Variants in PTPRU observed in about 807,000 individuals in gnomAD.
PTPRU encodes the protein receptor-type tyrosine-protein phosphatase U.
In PTPRU, 69 loss-of-function variants were observed where a neutral mutation model predicts 166.3. That is an observed-to-expected ratio of 0.41 (90% CI 0.34 to 0.51). The LOEUF is 0.51. PTPRU is among the 20% of genes least tolerant of loss of function. The pLI, the probability that PTPRU is intolerant of heterozygous loss-of-function variation, is 0.09. For synonymous variants in PTPRU, 793 were observed against 814.0 expected, an observed-to-expected ratio of 0.97 and a Z score of 0.44; for missense variants, 1,657 against 2,013.7, an observed-to-expected ratio of 0.82 and a Z score of 3.39.
chr1:29,283,135 C>T (rs1042227288), intron 12 of PTPRU, among the ~76,000 whole-genome samples, 186 bp downstream of exon 12: 1 of 150,802 alleles, frequency 6.6e-6, no homozygotes, highest in African/African-American at 2.4e-5. Flanking sequence ...CTCCTGTAGC[C>T]CCACCTCCCA....
At chr1:29,282,440 T>A (rs1390490576) in intron 11 of PTPRU, among the ~76,000 whole-genome samples, 1 of 152,238 alleles carries the variant, frequency 6.6e-6, no homozygotes, top group African/African-American at 2.4e-5. Flanking sequence ...GGCTGCTTGC[T>A]TAACTTGCCT....
intron 1 of PTPRU, among the ~76,000 whole-genome samples, chr1:29,242,069 T>C (rs998074826): frequency 1.3e-5 from 2 of 152,000 alleles, no homozygotes; most frequent in Non-Finnish European, 2.9e-5. Flanking sequence ...TTTTTGTATT[T>C]TTAGTAGAGA....
Position 29,304,811 on chromosome 1 carries a change from A to G in PTPRU, c.2705A>G (p.Asp902Gly). 6.2e-7 allele frequency: 1 copy of G among 1,612,796 alleles called. No individual in the cohort carries two copies. The highest frequency in any genetic ancestry group is 8.5e-7 in the Non-Finnish European group (1 of 1,178,990). ...FEGWDATKKK[D>G]KVKGSRQEPM... The stretch of plus-strand genomic sequence containing the variant: ...GGCTGGGACGCCACAAAGAAGAAAG[A>G]CAAGGTCAAGGGCAGCCGGCAGGAG... The change falls in exon 17 of 30, where the codon GAC (aspartate) becomes GGC (glycine). Residue 902 changes from aspartate to glycine, a missense_variant. By Grantham distance (94) the Asp-to-Gly change is moderately conservative. Transcript: ENST00000373779.
Position 29,260,658 on chromosome 1 carries a change from C to T in PTPRU, c.899C>T (p.Thr300Ile), listed in dbSNP as rs988442037. 6.5e-7 allele frequency: 1 copy of T among 1,533,304 alleles called. No homozygotes were observed. Among genetic ancestry groups the T allele is most frequent in the Middle Eastern group, 1.7e-4 (1 of 5,738 alleles). 95.0% of individuals were successfully genotyped at this position (1,533,304 alleles called of 1,614,324 possible). The change falls in exon 7 of 30, where the codon ACC (threonine) becomes ATC (isoleucine). Residue 300 changes from threonine (T) to isoleucine (I), a missense_variant. By Grantham distance (89) the Thr-to-Ile change is moderately conservative. Transcript: ENST00000373779. The surrounding 1 kb of genome is among the most constrained non-coding windows in gnomAD (Gnocchi z 8.3). ...APPQLLRAGP[T>I]YLIIQLNTNS... Reference sequence around the variant, plus strand: ...CCACAGCTGCTGCGTGCTGGCCCCACCTACCTCATCATCCAGCTCAACACC... The same window carrying T: ...CCACAGCTGCTGCGTGCTGGCCCCATCTACCTCATCATCCAGCTCAACACC...
At chr1:29,283,894 G>C (rs1254333849) in intron 12 of PTPRU, 46 bp from the exon 13 acceptor site, 20 of 1,611,902 alleles carry the variant, frequency 1.2e-5, no homozygotes, top group Non-Finnish European at 1.6e-5. Context: ...TGGGGAGGGA[G>C]AGGTCGGGGC....
In PTPRU at chr1:29,291,182, C is replaced by T. The variant is rs903069943; in HGVS notation, c.2319-687C>T. Among the ~76,000 whole-genome samples the T allele has an allele frequency of 3.3e-5, 5 of 152,140 alleles. No homozygotes were observed. Among genetic ancestry groups the T allele is most frequent in the Non-Finnish European group, 7.4e-5 (5 of 68,006 alleles). ...TTCCCTGCTGCTCTGAGCAGCAGGA[C>T]GGACTGGTGGGCAGTGGTGGGAATC... On this transcript the variant is annotated intron_variant, in intron 14 of 29. Coordinates refer to ENST00000373779, the MANE Select transcript of PTPRU (RefSeq NM_133178.4). This position sits in a 1 kb window ranked among gnomAD's most constrained non-coding sequence, Gnocchi z 4.1.
chr1:29,282,527 T>G, intron 11 of PTPRU, 149 bp from the exon 12 acceptor site: 16 of 1,081,092 alleles, frequency 1.5e-5, no homozygotes, highest in Non-Finnish European at 2.1e-5. Flanking sequence ...CCCAGGGAGG[T>G]TAGGGGACTT....
chr1:29,323,541 T>C (rs768509995), intron 27 of PTPRU, 45 bp downstream of exon 27: 2 of 1,611,450 alleles, frequency 1.2e-6, no homozygotes, highest in South Asian at 2.2e-5. Context: ...GGGTGGTGGC[T>C]GGGGCAGCTT....
At chr1:29,273,271 TC>T (rs912247102) in intron 7 of PTPRU, among the ~76,000 whole-genome samples, 21 of 152,116 alleles carry the variant, frequency 1.4e-4, no homozygotes, top group African/African-American at 4.8e-4. Flanking sequence ...ACTTTTCTTT[TC>T]TATTCTTTTT....
At chr1:29,262,784 T>C (rs538258519) in intron 7 of PTPRU, among the ~76,000 whole-genome samples, 74 of 152,182 alleles carry the variant, frequency 4.9e-4, no homozygotes, top group Admixed American at 2.0e-3. Context: ...TTAATCAATT[T>C]TGGAACATTT....
intron 7 of PTPRU, among the ~76,000 whole-genome samples, chr1:29,264,544 C>T (rs954046849): frequency 1.3e-5 from 2 of 150,538 alleles, no homozygotes; most frequent in Admixed American, 1.3e-4. Context: ...TCACCCTTGT[C>T]GCCCAGGCTG....
At chr1:29,254,257 A>G (rs1158862202) in intron 1 of PTPRU, among the ~76,000 whole-genome samples, 1 of 152,178 alleles carries the variant, frequency 6.6e-6, no homozygotes, top group Non-Finnish European at 1.5e-5. Flanking sequence ...AGTGAGTGCC[A>G]GGGAGAAGCT....
At position 29,269,246 on chromosome 1, in the gene PTPRU, A is replaced by ATT. The variant is rs1175870568; in HGVS notation, c.1145-6174_1145-6173dup. Among the ~76,000 whole-genome samples, 42 of 20,586 alleles carry ATT rather than the reference A, an allele frequency of 2.0e-3. 3 individuals are homozygous for ATT. The highest frequency in any genetic ancestry group is 4.2e-3 in the Admixed American group (4 of 954). 13.5% of individuals were successfully genotyped at this position (20,586 alleles called of 152,430 possible). A position where few individuals can be genotyped will look rare whatever the true frequency, so the allele number is the denominator to read the frequency against. ...TATATATATATATATATATATATAT[A>ATT]TTTTTTTTTTTTTTTTTTTTTTTTT... On this transcript the variant is annotated intron_variant, in intron 7 of 29. Coordinates refer to ENST00000373779, the MANE Select transcript of PTPRU (RefSeq NM_133178.4).
intron 1 of PTPRU, among the ~76,000 whole-genome samples, chr1:29,245,215 A>G (rs142088366): frequency 1.3e-5 from 2 of 152,272 alleles, no homozygotes; most frequent in South Asian, 2.1e-4. Context: ...CTGCTCAGTT[A>G]TAATACCTGG....
intron 8 of PTPRU, among the ~76,000 whole-genome samples, chr1:29,276,683 G>C (rs1685822059): frequency 6.6e-6 from 1 of 152,036 alleles, no homozygotes; most frequent in Admixed American, 6.6e-5. Context: ...TTTCATTTCT[G>C]ATATTGGTAA....
rs768992128 is a variant in PTPRU at position 29,279,451 on chromosome 1, C to T, written c.1564-5C>T. ...TGCCCACCTGCCTGCCAATCCTGCC[C>T]CCAGATCAGCTACCAGAGCATCGAG... On this transcript the variant is annotated splice_polypyrimidine_tract_variant and splice_region_variant and intron_variant, in intron 9 of 29. Coordinates refer to ENST00000373779, the MANE Select transcript of PTPRU (RefSeq NM_133178.4). The surrounding 1 kb of genome is among the most constrained non-coding windows in gnomAD (Gnocchi z 5.2). The T allele has an allele frequency of 2.5e-6, 4 of 1,613,828 alleles. No homozygotes were observed. Among genetic ancestry groups the T allele is most frequent in the African/African-American group, 1.3e-5 (1 of 74,918 alleles).
intron 15 of PTPRU, among the ~76,000 whole-genome samples, chr1:29,293,045 T>C (rs1473937933): frequency 1.3e-5 from 2 of 152,174 alleles, no homozygotes; most frequent in Non-Finnish European, 2.9e-5. Flanking sequence ...AGTGGTGTGA[T>C]CTTGGCTCAC....
intron 14 of PTPRU, 70 bp downstream of exon 14, chr1:29,284,939 A>G: frequency 6.5e-7 from 1 of 1,530,084 alleles, no homozygotes; most frequent in Non-Finnish European, 8.8e-7. Flanking sequence ...ACAGAGGAAT[A>G]GTGGCTAAGA....
intron 15 of PTPRU, among the ~76,000 whole-genome samples, chr1:29,295,523 A>G (rs982973846): frequency 6.6e-6 from 1 of 152,224 alleles, no homozygotes. Flanking sequence ...ATGTCTTTCA[A>G]TAATTCTCTC....
Sources: allele counts gnomAD v4.1 joint callset (sites outside exome capture counted in the v4.1 genomes callset), GRCh38; gene constraint gnomAD v4.1.1; non-coding constraint Gnocchi (gnomAD v3.1); transcripts MANE v1.5; gene names NCBI Gene and HGNC (gene_info 2026-07-23, HGNC 2026-07-21).